The following KLRC3 variants were observed in gnomAD, a reference collection of about 807,000 sequenced individuals.
KLRC3 encodes killer cell lectin like receptor C3, also known as NKG2-E type II integral membrane protein.
A neutral mutation model predicts 23.6 loss-of-function variants in KLRC3; 16 were observed. That is an observed-to-expected ratio of 0.68 (90% CI 0.46 to 1.03). The LOEUF is 1.03. KLRC3 is among the 50% of genes least tolerant of loss of function. The pLI is 0.00. For missense variants in KLRC3, 209 were observed against 232.2 expected (o/e 0.90, Z 0.65); for synonymous variants, 70 against 71.8 (o/e 0.98, Z 0.13).
rs1863632910 is a variant in KLRC3, at chr12:10,415,769, G to A, written c.613C>T (p.Arg205Cys). 3 of 1,611,474 alleles carry A rather than the reference G, an allele frequency of 1.9e-6. No individual in the cohort carries two copies. The highest frequency in any genetic ancestry group is 2.2e-5 in the East Asian group (1 of 44,800). The change falls in exon 6 of 7, where the codon CGT (arginine) becomes TGT (cysteine). Residue 205 changes from arginine (R) to cysteine (C), a missense_variant. Arg to Cys is a radical substitution (Grantham distance 180, BLOSUM62 -3). Coordinates refer to ENST00000396439, the MANE Select transcript of KLRC3 (RefSeq NM_002261.3). ...CGTACATGTAGCATTGCACAGTTAC[G>A]TTCAGCATGATCTGAGTCTTTTATC... ...HEIKDSDHAE[R>C]NCAMLHVRGL...
intron 4 of KLRC3, among the ~76,000 whole-genome samples, 192 bp from the exon 5 acceptor site, chr12:10,416,959 T>A (rs1327693527): frequency 6.6e-6 from 1 of 152,062 alleles, no homozygotes; most frequent in Admixed American, 6.5e-5. Flanking sequence ...AAAGACATTT[T>A]AATTCTTGCA....
chr12:10,420,391 C>T lies in KLRC3; in HGVS notation c.160G>A (p.Gly54Arg). ...NLQNASLNHQ[G>R]IDKIYDCQGL... The stretch of plus-strand genomic sequence containing the variant: ...TGGCAGTCATATATTTTATCAATCC[C>T]TTGATGATTCAGAGAAGCATTTTGA... The change falls in exon 1 of 7, where the codon GGG (glycine) becomes AGG (arginine). Residue 54 changes from glycine (G) to arginine (R), a missense_variant. Physicochemically the swap from Gly to Arg is moderately radical, Grantham distance 125 (BLOSUM62 -2). Coordinates refer to ENST00000396439, the MANE Select transcript of KLRC3 (RefSeq NM_002261.3). 2.5e-6 allele frequency: 4 copies of T among 1,613,664 alleles called. No individual in the cohort carries two copies. The highest frequency in any genetic ancestry group is 2.5e-6 in the Non-Finnish European group (3 of 1,179,756).
chr12:10,416,737 A>AT lies in KLRC3; in HGVS notation c.516dup (p.Trp173MetfsTer7). The AT allele has an allele frequency of 6.2e-7, 1 of 1,603,326 alleles. No individual in the cohort carries two copies. The highest frequency in any genetic ancestry group is 2.2e-5 in the East Asian group (1 of 44,794). On this transcript the variant is annotated frameshift_variant, in exon 5 of 7. Coordinates refer to ENST00000396439, the MANE Select transcript of KLRC3 (RefSeq NM_002261.3). LOFTEE classifies it high-confidence loss of function. Reference sequence around the variant, plus strand: ...CTGCTGTTACGAAACACACCAATCCATGAGGAAGGTAAAATGCTGGCCAGA... The same window carrying AT: ...CTGCTGTTACGAAACACACCAATCCATTGAGGAAGGTAAAATGCTGGCCAGA...
Position 10,412,331 on chromosome 12 carries a change from A to C in KLRC3, c.*241T>G. The C allele has an allele frequency of 1.8e-6, 1 of 542,266 alleles. No individual in the cohort carries two copies. Among genetic ancestry groups the C allele is most frequent in the Non-Finnish European group, 3.2e-6 (1 of 309,418 alleles). The allele number at this position is 542,266 out of a possible 1,614,324, so 33.6% of individuals were successfully genotyped here. A position where few individuals can be genotyped will look rare whatever the true frequency, so the allele number is the denominator to read the frequency against. ...CACTCATTATATTGTTCATTGATTT[A>C]TTTTCCAATCATAACGGTCTGCATT... is the stretch of plus-strand genomic sequence containing the variant. On this transcript the variant is annotated 3_prime_UTR_variant, in exon 7 of 7. Coordinates refer to ENST00000396439, the MANE Select transcript of KLRC3 (RefSeq NM_002261.3).
Position 10,420,100 on chromosome 12 carries a change from T to C in KLRC3, c.188-136A>G, listed in dbSNP as rs1238252570. The C allele has an allele frequency of 2.3e-5, 13 of 563,912 alleles. No homozygotes were observed. In the Admixed American group the frequency reaches 3.8e-4, roughly 17 times the overall value. The allele number at this position is 563,912 out of a possible 1,614,324, so 34.9% of individuals were successfully genotyped here. A position where few individuals can be genotyped will look rare whatever the true frequency, so the allele number is the denominator to read the frequency against. On this transcript the variant is annotated intron_variant, in intron 1 of 6. Coordinates refer to ENST00000396439, the MANE Select transcript of KLRC3 (RefSeq NM_002261.3). ...ATAAACTCTGGCCGCTAAATCTACATCTACTCTAGTAATCTTTCTCTCAGA... is the reference window on the plus strand; with the variant it reads ...ATAAACTCTGGCCGCTAAATCTACACCTACTCTAGTAATCTTTCTCTCAGA...
At chr12:10,416,461 A>G (rs1245411409) in intron 5 of KLRC3, among the ~76,000 whole-genome samples, 4 of 152,246 alleles carry the variant, frequency 2.6e-5, no homozygotes, top group Non-Finnish European at 4.4e-5. Flanking sequence ...CCCCTGGTCC[A>G]TCTCATAACC....
chr12:10,417,665 T>C (rs1863664849), intron 4 of KLRC3, among the ~76,000 whole-genome samples: 1 of 152,084 alleles, frequency 6.6e-6, no homozygotes, highest in East Asian at 1.9e-4. Context: ...GACCCACGAC[T>C]ACCAATGCAC....
intron 4 of KLRC3, 50 bp from the exon 5 acceptor site, chr12:10,416,817 AC>A (rs1863651794): frequency 6.9e-7 from 1 of 1,452,606 alleles, no homozygotes; most frequent in Non-Finnish European, 9.2e-7. Context: ...TGAAAACATT[AC>A]AAAAACAATA....
rs926202633 is a variant in KLRC3, at chr12:10,415,598, AT to A, written c.678+105del. The A allele has an allele frequency of 2.0e-6, 3 of 1,525,038 alleles. No homozygotes were observed. In the African/African-American group the frequency reaches 4.2e-5, roughly 21 times the overall value. The allele number at this position is 1,525,038 out of a possible 1,614,324, so 94.5% of individuals were successfully genotyped here. Reference sequence around the variant, plus strand: ...ATTATTAGAGCAAATAACACAATTCATTTTAAGGCTTATGCAATCATAATAT... The same window carrying A: ...ATTATTAGAGCAAATAACACAATTCATTTAAGGCTTATGCAATCATAATAT... On this transcript the variant is annotated intron_variant, in intron 6 of 6. Coordinates refer to ENST00000396439, the MANE Select transcript of KLRC3 (RefSeq NM_002261.3).
In KLRC3 at chr12:10,419,630, T is replaced by A. The variant is rs745956550; in HGVS notation, c.286+236A>T. The A allele has an allele frequency of 1.7e-5, 15 of 888,106 alleles. 1 individual carries two copies. The African/African-American group carries it at 2.8e-4, about 16-fold the overall frequency. 55.0% of individuals were successfully genotyped at this position (888,106 alleles called of 1,614,324 possible). On this transcript the variant is annotated intron_variant, in intron 2 of 6. Coordinates refer to ENST00000396439, the MANE Select transcript of KLRC3 (RefSeq NM_002261.3). ...AAATTAAAATGATTTTTATAAAAAG[T>A]AATATTTAGATAAACCATAATGAGT...
chr12:10,417,793 T>A (rs907618039), intron 4 of KLRC3, among the ~76,000 whole-genome samples: 6 of 152,162 alleles, frequency 3.9e-5, no homozygotes, highest in Non-Finnish European at 8.8e-5. Flanking sequence ...AGTAACAAAC[T>A]ACAGATAACC....
intron 6 of KLRC3, among the ~76,000 whole-genome samples, chr12:10,414,886 C>T (rs972592056): frequency 6.6e-6 from 1 of 151,922 alleles, no homozygotes; most frequent in Non-Finnish European, 1.5e-5. Context: ...ATGCAGACAT[C>T]AGTTGTATTT....
At chr12:10,415,935 T>C in intron 5 of KLRC3, 141 bp from the exon 6 acceptor site, 1 of 644,318 alleles carries the variant, frequency 1.6e-6, no homozygotes, top group East Asian at 2.7e-5. Flanking sequence ...TAAAAGTCAT[T>C]ATTCTGAACA....
At chr12:10,415,856 G>A in intron 5 of KLRC3, 62 bp from the exon 6 acceptor site, 2 of 1,202,370 alleles carry the variant, frequency 1.7e-6, no homozygotes, top group Non-Finnish European at 2.4e-6. Flanking sequence ...TGAGACAAAA[G>A]CATTTTCCAT....
In KLRC3 at chr12:10,416,673, T is replaced by C; in HGVS notation, c.581A>G (p.Lys194Arg). Reference protein sequence around the residue: ...PWVTINGLAFKHEIKDSDHAE... With the variant: ...PWVTINGLAFRHEIKDSDHAE... Reference sequence around the variant, plus strand: ...ACCCTATAAAACAACTTACTCATGTTTGAAAGCCAAACCATTTATTGTCAC... The same window carrying C: ...ACCCTATAAAACAACTTACTCATGTCTGAAAGCCAAACCATTTATTGTCAC... The change falls in exon 5 of 7, where the codon AAA becomes AGA. Residue 194 changes from lysine to arginine, a missense_variant. Lys to Arg is a conservative substitution (Grantham distance 26). Around this residue, in one of 4 missense-constraint regions of KLRC3, gnomAD observed 74 missense variants for 51.0 expected, o/e 1.45. Coordinates refer to ENST00000396439, the MANE Select transcript of KLRC3 (RefSeq NM_002261.3). 6.2e-7 allele frequency: 1 copy of C among 1,610,442 alleles called. No homozygotes were observed. The highest frequency in any genetic ancestry group is 8.5e-7 in the Non-Finnish European group (1 of 1,178,064).
At position 10,412,475 on chromosome 12, in the gene KLRC3, A is replaced by G. The variant is rs1591599174; in HGVS notation, c.*97T>C. The G allele has an allele frequency of 1.5e-6, 1 of 675,292 alleles. No individual in the cohort carries two copies. The highest frequency in any genetic ancestry group is 2.7e-6 in the Non-Finnish European group (1 of 376,802). The allele number at this position is 675,292 out of a possible 1,614,324, so 41.8% of individuals were successfully genotyped here. ...GGGAGGGCAGAAAAAGTAGATTTTT[A>G]AAACACAAGCTAAATGGTACATGAG... On this transcript the variant is annotated 3_prime_UTR_variant, in exon 7 of 7. Transcript: ENST00000396439.
At chr12:10,414,462 T>C (rs1863611893) in intron 6 of KLRC3, among the ~76,000 whole-genome samples, 1 of 151,858 alleles carries the variant, frequency 6.6e-6, no homozygotes, top group African/African-American at 2.4e-5. Flanking sequence ...TAAAATTTGA[T>C]TGTACCTTCT....
chr12:10,420,401 C>G lies in KLRC3; in HGVS notation c.150G>C (p.Leu50=), dbSNP rs1272614844. The change falls in exon 1 of 7, where the codon CTG becomes CTC. Residue 50 remains leucine, a synonymous_variant. Transcript: ENST00000396439. ...QVELNLQNAS[L]NHQGIDKIYD... The stretch of plus-strand genomic sequence containing the variant: ...ATATTTTATCAATCCCTTGATGATT[C>G]AGAGAAGCATTTTGAAGGTTTAATT... The G allele has an allele frequency of 6.2e-7, 1 of 1,613,638 alleles. No individual in the cohort carries two copies. The highest frequency in any genetic ancestry group is 8.5e-7 in the Non-Finnish European group (1 of 1,179,826).
Position 10,418,604 on chromosome 12 carries a change from T to C in KLRC3, c.332-106A>G, listed in dbSNP as rs1863679051. On this transcript the variant is annotated intron_variant, in intron 3 of 6. Transcript: ENST00000396439. Reference sequence around the variant, plus strand: ...AACATATATGTGCTTAACATATTTATGCATCCTTACAGGCTTATAAGTATA... The same window carrying C: ...AACATATATGTGCTTAACATATTTACGCATCCTTACAGGCTTATAAGTATA... The C allele has an allele frequency of 7.9e-6, 10 of 1,273,382 alleles. No homozygotes were observed. The South Asian group carries it at 8.8e-5, about 11-fold the overall frequency. 78.9% of individuals were successfully genotyped at this position (1,273,382 alleles called of 1,614,324 possible).
Sources: allele counts gnomAD v4.1 joint callset (sites outside exome capture counted in the v4.1 genomes callset), GRCh38; gene constraint gnomAD v4.1.1; regional missense constraint gnomAD v4.1.1; transcripts MANE v1.5; gene names NCBI Gene and HGNC (gene_info 2026-07-23, HGNC 2026-07-21).